MRTFA: variants seen among roughly 807,000 people sequenced by gnomAD.
MRTFA encodes myocardin-related transcription factor A.
A neutral mutation model predicts 83.5 loss-of-function variants in MRTFA; 20 were observed. The ratio of observed to expected loss-of-function variants is 0.24; its 90% CI spans 0.17 to 0.35. MRTFA has a LOEUF of 0.35. Ranked by LOEUF, MRTFA falls within the 10% of genes least tolerant of loss-of-function variation. The probability of loss-of-function intolerance (pLI) is 1.00; values close to 1 mark genes in which losing one functional copy is unlikely to be tolerated. For synonymous variants in MRTFA, 659 were observed against 541.2 expected (o/e 1.22, Z -3.02); for missense variants, 1,200 against 1,224.7 (o/e 0.98, Z 0.30).
At chr22:40,441,827 T>TACAC (rs761896193) in intron 4 of MRTFA, among the ~76,000 whole-genome samples, 1 of 147,212 alleles carries the variant, frequency 6.8e-6, no homozygotes, top group African/African-American at 2.6e-5. Flanking sequence ...TGTATATATA[T>TACAC]ATATACACAC....
intron 3 of MRTFA, among the ~76,000 whole-genome samples, chr22:40,513,058 A>C (rs990121565): frequency 9.2e-5 from 14 of 152,238 alleles, no homozygotes; most frequent in Admixed American, 9.2e-4. Context: ...TTTTACAAGG[A>C]GTGAGTCTGT....
chr22:40,552,658 T>G (rs2055459567), intron 2 of MRTFA, among the ~76,000 whole-genome samples: 1 of 152,222 alleles, frequency 6.6e-6, no homozygotes, highest in Non-Finnish European at 1.5e-5. Context: ...ACCATGATTG[T>G]AAGTTCCTGA....
At chr22:40,446,054 T>C (rs147505782) in intron 4 of MRTFA, among the ~76,000 whole-genome samples, 19 of 152,344 alleles carry the variant, frequency 1.2e-4, no homozygotes, top group African/African-American at 4.3e-4. Flanking sequence ...CATAGGTATA[T>C]GTACTTCTTA....
chr22:40,463,776 C>A (rs935839804), intron 3 of MRTFA, among the ~76,000 whole-genome samples: 5 of 152,084 alleles, frequency 3.3e-5, no homozygotes, highest in Non-Finnish European at 5.9e-5. Flanking sequence ...AAAATTATAG[C>A]CATTTCACCA....
intron 3 of MRTFA, among the ~76,000 whole-genome samples, chr22:40,487,833 C>A (rs143231052): frequency 6.6e-6 from 1 of 152,076 alleles, no homozygotes; most frequent in African/African-American, 2.4e-5. Context: ...CCTCATTTTG[C>A]TTATGGATAT....
intron 1 of MRTFA, among the ~76,000 whole-genome samples, chr22:40,595,861 GTCTTTTTTTTTTTTT>G (rs886278986): frequency 1.6e-5 from 2 of 128,510 alleles, no homozygotes; most frequent in Non-Finnish European, 3.3e-5. Flanking sequence ...TATATCTAAA[GTCTTTTTTTTTTTTT>G]TTTTTTTTTT....
At chr22:40,447,830 T>C (rs1258073417) in intron 4 of MRTFA, among the ~76,000 whole-genome samples, 2 of 152,210 alleles carry the variant, frequency 1.3e-5, no homozygotes, top group African/African-American at 4.8e-5. Flanking sequence ...CACTAGACTC[T>C]GGTTCTTTTG....
intron 1 of MRTFA, among the ~76,000 whole-genome samples, chr22:40,627,648 A>G (rs1378579643): frequency 1.3e-5 from 2 of 152,236 alleles, no homozygotes; most frequent in Admixed American, 6.5e-5. Flanking sequence ...GGAACTTCAT[A>G]TACATCATGG....
At position 40,411,096 on chromosome 22, in the gene MRTFA, GC is replaced by G. The variant is rs2052516060; in HGVS notation, c.*293del. On this transcript the variant is annotated 3_prime_UTR_variant, in exon 15 of 15. Transcript: ENST00000355630. The stretch of plus-strand genomic sequence containing the variant: ...GCCAAATTGTAGCCAGACAGACAGT[GC>G]CCCCTGACCTCAAAAAAGGAGGTCA... The G allele has an allele frequency of 9.5e-6, 3 of 317,290 alleles. No homozygotes were observed. The highest frequency in any genetic ancestry group is 2.1e-5 in the African/African-American group (1 of 47,594). The allele number at this position is 317,290 out of a possible 1,614,324, so 19.7% of individuals were successfully genotyped here. A position where few individuals can be genotyped will look rare whatever the true frequency, so the allele number is the denominator to read the frequency against.
chr22:40,524,419 T>G (rs2054925843), intron 3 of MRTFA, among the ~76,000 whole-genome samples: 1 of 152,246 alleles, frequency 6.6e-6, no homozygotes, highest in Non-Finnish European at 1.5e-5. Flanking sequence ...CGTGTTGTTT[T>G]TTGACAGAAA....
chr22:40,614,781 C>T (rs2056430380), intron 1 of MRTFA, among the ~76,000 whole-genome samples: 1 of 152,210 alleles, frequency 6.6e-6, no homozygotes, highest in African/African-American at 2.4e-5. Flanking sequence ...GCTGCAGCGC[C>T]TGGCCCATAA....
intron 2 of MRTFA, among the ~76,000 whole-genome samples, chr22:40,592,998 A>G (rs1207611126): frequency 1.3e-5 from 2 of 151,908 alleles, no homozygotes; most frequent in African/African-American, 4.8e-5. Context: ...CCTATAAACA[A>G]CCCCAATCCA....
chr22:40,524,117 A>T (rs1225423639), intron 3 of MRTFA, among the ~76,000 whole-genome samples: 1 of 152,156 alleles, frequency 6.6e-6, no homozygotes, highest in East Asian at 1.9e-4. Context: ...AACATAGTGA[A>T]AACCTGTCTC....
At chr22:40,618,960 C>CAAAAAT (rs933982258) in intron 1 of MRTFA, among the ~76,000 whole-genome samples, 109 of 150,540 alleles carry the variant, frequency 7.2e-4, no homozygotes, top group Admixed American at 2.5e-3. Context: ...GACTCCTTCT[C>CAAAAAT]AAAAATAAAA....
At chr22:40,631,653 T>C (rs2056643464) in intron 1 of MRTFA, among the ~76,000 whole-genome samples, 1 of 152,206 alleles carries the variant, frequency 6.6e-6, no homozygotes, top group Non-Finnish European at 1.5e-5. Flanking sequence ...ACCATACACA[T>C]AGATTTCAAA....
chr22:40,436,570 G>C (rs998801880), intron 4 of MRTFA, among the ~76,000 whole-genome samples: 5 of 152,110 alleles, frequency 3.3e-5, no homozygotes, highest in African/African-American at 1.2e-4. Context: ...ACAACACTCA[G>C]GTGGCAAGAC....
At chr22:40,436,911 C>T (rs1390753192) in intron 4 of MRTFA, among the ~76,000 whole-genome samples, 2 of 152,138 alleles carry the variant, frequency 1.3e-5, no homozygotes, top group African/African-American at 2.4e-5. Context: ...CCTGCCTGGG[C>T]CGTTGTGCTT....
chr22:40,476,731 T>A (rs928896797), intron 3 of MRTFA, among the ~76,000 whole-genome samples: 1 of 152,072 alleles, frequency 6.6e-6, no homozygotes, highest in Non-Finnish European at 1.5e-5. Context: ...GGAGTACAGA[T>A]ATGAACCACC....
At chr22:40,631,179 T>C (rs966243435) in intron 1 of MRTFA, among the ~76,000 whole-genome samples, 4 of 152,184 alleles carry the variant, frequency 2.6e-5, no homozygotes, top group African/African-American at 7.2e-5. Flanking sequence ...GTACTTGACA[T>C]AGAAAAATTG....
Sources: gnomAD v4.1 joint callset for allele counts (sites outside exome capture counted in the v4.1 genomes callset) on GRCh38, gnomAD v4.1.1 for gene constraint, MANE v1.5 for transcripts, NCBI Gene and HGNC (gene_info 2026-07-23, HGNC 2026-07-21) for gene names.